The following KIAA1217 variants were observed in gnomAD, a reference collection of about 807,000 sequenced individuals.
KIAA1217 encodes the protein sickle tail protein homolog.
In KIAA1217, 88 loss-of-function variants were observed where a neutral mutation model predicts 163.9. That is an observed-to-expected ratio of 0.54 (90% CI 0.45 to 0.64). The LOEUF (loss-of-function observed/expected upper bound fraction) is 0.64. KIAA1217 is among the 30% of genes least tolerant of loss of function. The pLI is 0.00. For synonymous variants in KIAA1217, 903 were observed against 923.1 expected (o/e 0.98, Z 0.39); for missense variants, 2,372 against 2,475.0 (o/e 0.96, Z 0.88).
rs1838512298 is a variant in KIAA1217, at chr10:23,732,152, T to C, written c.-321+36918T>C. On this transcript the variant is annotated intron_variant, in intron 1 of 18. Transcript: ENST00000376462. ...TGCTTGTATTTTCTGAAAGAGATTG[T>C]AAAGAGCTCGTGTAATTTCTTCTTT... Among the ~76,000 whole-genome samples the C allele has an allele frequency of 2.0e-5, 3 of 152,114 alleles. No homozygotes were observed. In the South Asian group the frequency reaches 6.2e-4, roughly 31 times the overall value.
At chr10:23,741,640 G>A (rs1839120584) in intron 1 of KIAA1217, among the ~76,000 whole-genome samples, 1 of 152,200 alleles carries the variant, frequency 6.6e-6, no homozygotes, top group Non-Finnish European at 1.5e-5. Context: ...TGCAGAGCCA[G>A]CTCTGGGTGG....
Position 24,545,048 on chromosome 10 carries a change from C to T in KIAA1217, c.5279C>T (p.Thr1760Ile), listed in dbSNP as rs766229257. ...ATGAGTGCCAAGAACAGACCCGGAA[C>T]CCTGGACAAACCCGGCAAGCAGTCC... ...VPMSAKNRPGTLDKPGKQSKL... is the reference protein window; with the variant it reads ...VPMSAKNRPGILDKPGKQSKL... Residue 1760 changes from threonine (T) to isoleucine (I), a missense_variant, in exon 20 of 21, where the codon ACC becomes ATC. Around this residue, in one of 3 missense-constraint regions of KIAA1217, gnomAD observed 690 missense variants for 677.5 expected, o/e 1.02. Transcript: ENST00000376454. 3 of 1,614,154 alleles carry T rather than the reference C, an allele frequency of 1.9e-6. No individual in the cohort carries two copies. The highest frequency in any genetic ancestry group is 1.7e-6 in the Non-Finnish European group (2 of 1,180,028).
intron 9 of KIAA1217, among the ~76,000 whole-genome samples, chr10:24,503,093 TCAGCACAGCGA>T (rs2067883515): frequency 1.3e-5 from 2 of 152,336 alleles, no homozygotes; most frequent in South Asian, 4.1e-4. Flanking sequence ...TTCTGCTTCT[TCAGCACAGCGA>T]CAGCACAAGC....
In KIAA1217 at chr10:24,395,520, G is replaced by T. The variant is rs555466246; in HGVS notation, c.553+14453G>T. On this transcript the variant is annotated intron_variant, in intron 3 of 20. Coordinates refer to ENST00000376454, the MANE Select transcript of KIAA1217 (RefSeq NM_019590.5). The stretch of plus-strand genomic sequence containing the variant: ...GGTGTGGACGAGGCAAAGGACCAGT[G>T]CTTAAGGCCAGTGCACCTGAGAATG... Among the ~76,000 whole-genome samples the T allele has an allele frequency of 8.5e-5, 13 of 152,246 alleles. No individual in the cohort carries two copies. The East Asian group carries it at 9.6e-4, about 11-fold the overall frequency.
intron 1 of KIAA1217, among the ~76,000 whole-genome samples, chr10:23,916,796 G>A (rs921573200): frequency 6.6e-6 from 1 of 151,884 alleles, no homozygotes; most frequent in African/African-American, 2.4e-5. Flanking sequence ...ATATGGTGAA[G>A]CCCTGTCTTT....
intron 2 of KIAA1217, among the ~76,000 whole-genome samples, chr10:24,082,748 T>C (rs958537906): frequency 4.6e-5 from 7 of 152,228 alleles, no homozygotes; most frequent in African/African-American, 1.7e-4. Context: ...TATATTTCTT[T>C]GGGTATATAC....
intron 3 of KIAA1217, among the ~76,000 whole-genome samples, chr10:24,405,233 G>A (rs1356925769): frequency 7.2e-5 from 11 of 152,150 alleles, no homozygotes; most frequent in Non-Finnish European, 4.4e-5. Context: ...ATATAATTGG[G>A]GGAGGGAGGG....
intron 10 of KIAA1217, among the ~76,000 whole-genome samples, chr10:24,515,101 C>T (rs1312582007): frequency 6.6e-6 from 1 of 151,876 alleles, no homozygotes; most frequent in Non-Finnish European, 1.5e-5. Flanking sequence ...GAGTCTTGCT[C>T]TGTTGCCCAG....
chr10:24,103,494 G>T lies in KIAA1217; in HGVS notation c.-171+96120G>T, dbSNP rs115696610. Among the ~76,000 whole-genome samples the T allele has an allele frequency of 2.5e-3, 382 of 152,226 alleles. 1 individual carries two copies. Among genetic ancestry groups the T allele is most frequent in the African/African-American group, 8.9e-3 (368 of 41,550 alleles). On this transcript the variant is annotated intron_variant, in intron 2 of 18. Transcript: ENST00000376462. ...TAACTGGGAGAATATATTTGGAAAA[G>T]ACACATCTGAAAAAGGACTATTATA...
At chr10:24,115,844 C>T (rs2063031511) in intron 2 of KIAA1217, among the ~76,000 whole-genome samples, 1 of 152,146 alleles carries the variant, frequency 6.6e-6, no homozygotes, top group Non-Finnish European at 1.5e-5. Flanking sequence ...ACCCAGGGAA[C>T]AAATCAGAGT....
intron 2 of KIAA1217, among the ~76,000 whole-genome samples, chr10:24,341,909 T>C (rs2047149634): frequency 6.6e-6 from 1 of 152,156 alleles, no homozygotes; most frequent in African/African-American, 2.4e-5. Flanking sequence ...AATATCGTCA[T>C]GTGTTCCTAA....
chr10:24,001,829 A>G (rs1846756184), intron 1 of KIAA1217, among the ~76,000 whole-genome samples: 1 of 152,194 alleles, frequency 6.6e-6, no homozygotes, highest in Non-Finnish European at 1.5e-5. Flanking sequence ...TGCCATACTT[A>G]AACAAGGAGG....
chr10:24,081,869 G>A (rs2061548842), intron 2 of KIAA1217, among the ~76,000 whole-genome samples: 1 of 152,180 alleles, frequency 6.6e-6, no homozygotes, highest in South Asian at 2.1e-4. Flanking sequence ...CAGGTTTTTA[G>A]AATGAGTTGG....
At chr10:23,883,907 T>C (rs1301311301) in intron 1 of KIAA1217, among the ~76,000 whole-genome samples, 1 of 151,978 alleles carries the variant, frequency 6.6e-6, no homozygotes, top group East Asian at 1.9e-4. Flanking sequence ...CACTTAGTAA[T>C]GCACATTTAA....
intron 1 of KIAA1217, among the ~76,000 whole-genome samples, chr10:23,861,817 C>G (rs1231277936): frequency 6.6e-6 from 1 of 152,142 alleles, no homozygotes; most frequent in African/African-American, 2.4e-5. Context: ...ATTCTTCCCC[C>G]AGAGCCTCCA....
chr10:24,527,878 G>A, intron 13 of KIAA1217, 58 bp from the exon 14 acceptor site: 4 of 1,369,274 alleles, frequency 2.9e-6, no homozygotes, highest in Non-Finnish European at 4.1e-6. Flanking sequence ...AGGTCCCAGT[G>A]TCCGTTGTTC....
intron 2 of KIAA1217, among the ~76,000 whole-genome samples, chr10:24,181,799 A>G (rs535044049): frequency 6.7e-6 from 1 of 148,182 alleles, no homozygotes; most frequent in East Asian, 1.9e-4. Flanking sequence ...GGGAAGTGTC[A>G]AGGATGTCTC....
chr10:24,176,331 C>G (rs1041275250), intron 2 of KIAA1217, among the ~76,000 whole-genome samples: 5 of 152,060 alleles, frequency 3.3e-5, no homozygotes, highest in African/African-American at 1.2e-4. Flanking sequence ...AATCCTTTAG[C>G]TAGACACAAA....
intron 2 of KIAA1217, among the ~76,000 whole-genome samples, chr10:24,280,597 G>T (rs1721578633): frequency 6.6e-6 from 1 of 152,072 alleles, no homozygotes; most frequent in Non-Finnish European, 1.5e-5. Flanking sequence ...GGATTGCGAG[G>T]TCAGGAGATC....
Sources: allele counts gnomAD v4.1 joint callset (sites outside exome capture counted in the v4.1 genomes callset), GRCh38; gene constraint gnomAD v4.1.1; regional missense constraint gnomAD v4.1.1; transcripts MANE v1.5; gene names NCBI Gene and HGNC (gene_info 2026-07-23, HGNC 2026-07-21).